Variants in HERC4 observed in about 807,000 individuals in gnomAD.
HERC4 encodes the protein probable E3 ubiquitin-protein ligase HERC4.
HERC4 carries 28 observed loss-of-function variants against 124.3 expected under a neutral mutation model. The ratio of observed to expected loss-of-function variants is 0.23; its 90% CI spans 0.17 to 0.31. The LOEUF is 0.31. Among genes scored for constraint, HERC4 ranks in the 10% least tolerant of loss-of-function variants. HERC4 has a pLI of 1.00. For missense variants in HERC4, 713 were observed against 1,229.3 expected, an observed-to-expected ratio of 0.58 and a Z score of 6.28; for synonymous variants, 407 against 421.5, an observed-to-expected ratio of 0.97 and a Z score of 0.42.
chr10:68,066,914 G>GAAA (rs759645971), intron 3 of HERC4, among the ~76,000 whole-genome samples: 4 of 152,298 alleles, frequency 2.6e-5, no homozygotes, highest in Non-Finnish European at 2.9e-5. Flanking sequence ...GAATGGCAGG[G>GAAA]AAACAATCTG....
chr10:67,999,300 C>T (rs993078397), intron 9 of HERC4, among the ~76,000 whole-genome samples: 3 of 152,158 alleles, frequency 2.0e-5, no homozygotes, highest in African/African-American at 7.2e-5. Context: ...TTCATCAGAT[C>T]ATATCATTTG....
intron 16 of HERC4, among the ~76,000 whole-genome samples, chr10:67,964,581 C>T (rs994273170): frequency 4.6e-5 from 7 of 152,040 alleles, no homozygotes; most frequent in African/African-American, 1.4e-4. Flanking sequence ...ATTTCTGTCC[C>T]GTTCCCTACA....
intron 9 of HERC4, among the ~76,000 whole-genome samples, chr10:67,998,495 C>T (rs2037029604): frequency 6.8e-6 from 1 of 146,616 alleles, no homozygotes; most frequent in Admixed American, 6.9e-5. Context: ...TGCAGTGAGC[C>T]GAGATCCTGC....
chr10:67,940,843 C>T, intron 20 of HERC4, 96 bp downstream of exon 20: 24 of 1,071,922 alleles, frequency 2.2e-5, no homozygotes, highest in Non-Finnish European at 3.2e-5. Context: ...ACAAGAAGAA[C>T]AAAATATATT....
intron 23 of HERC4, among the ~76,000 whole-genome samples, chr10:67,926,847 T>G (rs1227682671): frequency 6.6e-6 from 1 of 152,246 alleles, no homozygotes; most frequent in Non-Finnish European, 1.5e-5. Flanking sequence ...TCTTTTTCAC[T>G]GTATTAATTA....
In HERC4 at chr10:68,059,504, TATA is replaced by T. The variant is rs1312815470; in HGVS notation, c.226+13376_226+13378del. On this transcript the variant is annotated intron_variant, in intron 3 of 24. Coordinates refer to ENST00000373700, the MANE Select transcript of HERC4 (RefSeq NM_015601.4). Reference sequence around the variant, plus strand: ...TATTATATATTATAACATTATATATTATAATATTATATATCATAATAATATTAT... The same window carrying T: ...TATTATATATTATAACATTATATATTATATTATATATCATAATAATATTAT... Among the ~76,000 whole-genome samples, 636 of 107,938 alleles carry T rather than the reference TATA, an allele frequency of 5.9e-3. 14 individuals are homozygous for T. Among genetic ancestry groups the T allele is most frequent in the Non-Finnish European group, 7.6e-3 (437 of 57,168 alleles). 70.8% of individuals were successfully genotyped at this position (107,938 alleles called of 152,430 possible). A position where few individuals can be genotyped will look rare whatever the true frequency, so the allele number is the denominator to read the frequency against.
At chr10:68,053,089 T>C (rs972144686) in intron 3 of HERC4, among the ~76,000 whole-genome samples, 2 of 152,172 alleles carry the variant, frequency 1.3e-5, no homozygotes, top group South Asian at 2.1e-4. Flanking sequence ...CTAGTCTAGC[T>C]GGGAATAATC....
intron 21 of HERC4, among the ~76,000 whole-genome samples, chr10:67,938,224 C>T (rs963488804): frequency 3.3e-5 from 5 of 150,522 alleles, no homozygotes; most frequent in African/African-American, 9.7e-5. Flanking sequence ...GGGCAGATCA[C>T]GAGGTCAAGA....
chr10:67,926,055 T>C (rs2030894225), intron 23 of HERC4, among the ~76,000 whole-genome samples: 2 of 152,146 alleles, frequency 1.3e-5, no homozygotes, highest in Non-Finnish European at 2.9e-5. Flanking sequence ...CCAATAAGTT[T>C]TGGGGTAATT....
intron 9 of HERC4, among the ~76,000 whole-genome samples, chr10:68,002,591 A>G (rs897275727): frequency 1.4e-5 from 2 of 146,534 alleles, no homozygotes; most frequent in Non-Finnish European, 3.0e-5. Flanking sequence ...TAATTTTTTA[A>G]ATTTTTACTT....
Position 67,955,126 on chromosome 10 carries a change from G to A in HERC4, c.2030C>T (p.Ala677Val). The change falls in exon 18 of 25, where the codon GCT (alanine) becomes GTT (valine). Residue 677 changes from alanine (A) to valine (V), a missense_variant. Coordinates refer to ENST00000373700, the MANE Select transcript of HERC4 (RefSeq NM_015601.4). ...QTDAVLQMQM[A>V]IDQAHRQNVS... ...ATTCTGCCTGTGGGCCTGATCAATA[G>A]CCATCTGGAAAACAAAAGATTAACA... The A allele has an allele frequency of 6.4e-7, 1 of 1,572,344 alleles. No homozygotes were observed. The highest frequency in any genetic ancestry group is 1.2e-5 in the South Asian group (1 of 85,150).
At position 67,941,669 on chromosome 10, in the gene HERC4, C is replaced by CTTTTTTTTTTT. The variant is rs755666986; in HGVS notation, c.2338-575_2338-565dup. Among the ~76,000 whole-genome samples, 9 of 91,770 alleles carry CTTTTTTTTTTT rather than the reference C, an allele frequency of 9.8e-5. 1 individual carries two copies. The highest frequency in any genetic ancestry group is 3.2e-4 in the African/African-American group (8 of 24,854). 60.2% of individuals were successfully genotyped at this position (91,770 alleles called of 152,430 possible). ...CACTAAATGTTCTTCTAAAACACAA[C>CTTTTTTTTTTT]TTTTTTTTTTTTTTTTTTTTTTTTT... On this transcript the variant is annotated intron_variant, in intron 19 of 24. Transcript: ENST00000373700.
intron 5 of HERC4, among the ~76,000 whole-genome samples, chr10:68,035,928 C>A (rs2039439559): frequency 6.6e-6 from 1 of 152,110 alleles, no homozygotes; most frequent in South Asian, 2.1e-4. Flanking sequence ...GTAATTATAT[C>A]ATTATTGAAT....
At chr10:68,010,618 A>C (rs993715892) in intron 9 of HERC4, 6 of 1,386,564 alleles carry the variant, frequency 4.3e-6, no homozygotes, top group Non-Finnish European at 3.0e-6. Flanking sequence ...TCGGCTTTGC[A>C]TATCTCCTGA....
intron 7 of HERC4, among the ~76,000 whole-genome samples, chr10:68,026,161 T>C (rs1210705749): frequency 6.6e-6 from 1 of 152,180 alleles, no homozygotes; most frequent in Non-Finnish European, 1.5e-5. Context: ...CGTGGCATGA[T>C]CATGGCTCAC....
At chr10:68,023,670 G>C (rs866245647) in intron 8 of HERC4, among the ~76,000 whole-genome samples, 11 of 152,278 alleles carry the variant, frequency 7.2e-5, no homozygotes, top group Middle Eastern at 3.4e-3. Flanking sequence ...TAATACCATG[G>C]ACTGTATACT....
intron 3 of HERC4, among the ~76,000 whole-genome samples, chr10:68,064,602 GA>G (rs1338077046): frequency 2.1e-5 from 3 of 144,110 alleles, no homozygotes; most frequent in Admixed American, 6.9e-5. Context: ...AAAAGAAAAA[GA>G]AAAAAAGACA....
chr10:67,938,684 G>A (rs1296359787), intron 21 of HERC4, among the ~76,000 whole-genome samples: 3 of 152,096 alleles, frequency 2.0e-5, no homozygotes, highest in Non-Finnish European at 2.9e-5. Flanking sequence ...AGTGGCTCAT[G>A]CCTGTAATGC....
chr10:68,033,976 T>C lies in HERC4; in HGVS notation c.674A>G (p.Asn225Ser), dbSNP rs769204616. 55 of 1,614,008 alleles carry C rather than the reference T, an allele frequency of 3.4e-5. No homozygotes were observed. Among genetic ancestry groups the C allele is most frequent in the Non-Finnish European group, 4.6e-5 (54 of 1,179,892 alleles). ...GRNKFGQLGL[N>S]DENDRYVPNL... The stretch of plus-strand genomic sequence containing the variant: ...TAATGAGAACCTACCATTTTCATCA[T>C]TAAGACCTAGCTGACCAAACTTGTT... The change falls in exon 6 of 25, where the codon AAT becomes AGT. Residue 225 changes from asparagine (N) to serine (S), a missense_variant. Coordinates refer to ENST00000373700, the MANE Select transcript of HERC4 (RefSeq NM_015601.4).
Sources: allele counts gnomAD v4.1 joint callset (sites outside exome capture counted in the v4.1 genomes callset), GRCh38; gene constraint gnomAD v4.1.1; transcripts MANE v1.5; gene names NCBI Gene and HGNC (gene_info 2026-07-23, HGNC 2026-07-21).